Variants in VPS53 observed in about 807,000 individuals in gnomAD.
VPS53 encodes VPS53 subunit of GARP complex.
VPS53 carries 70 observed loss-of-function variants against 107.0 expected under a neutral mutation model. That is an observed-to-expected ratio of 0.65 (90% confidence interval 0.54 to 0.80). The LOEUF is 0.80. Among genes scored for constraint, VPS53 ranks in the 30% least tolerant of loss-of-function variants. VPS53 has a pLI of 0.00. For missense variants in VPS53, 917 were observed against 1,049.4 expected, an observed-to-expected ratio of 0.87 and a Z score of 1.74; for synonymous variants, 409 against 393.3, an observed-to-expected ratio of 1.04 and a Z score of -0.47.
intron 18 of VPS53, chr17:533,120 C>CTA (rs1555547820): frequency 1.3e-6 from 1 of 764,500 alleles, no homozygotes; most frequent in Non-Finnish European, 2.0e-6. Flanking sequence ...CCGGGAAAAC[C>CTA]GGATCCCATC....
chr17:615,776 CA>C (rs1969108649), intron 11 of VPS53, among the ~76,000 whole-genome samples: 1 of 152,132 alleles, frequency 6.6e-6, no homozygotes, highest in Non-Finnish European at 1.5e-5. Flanking sequence ...GGGAAGGGGT[CA>C]GGGGCCAGGG....
intron 14 of VPS53, among the ~76,000 whole-genome samples, chr17:561,552 G>C (rs569388399): frequency 5.9e-5 from 9 of 152,240 alleles, no homozygotes; most frequent in African/African-American, 2.2e-4. Context: ...ACACACATTA[G>C]GTATCTATCA....
rs574299818 is a variant in VPS53 at position 518,421 on chromosome 17, C to G, written c.*707G>C. The stretch of plus-strand genomic sequence containing the variant: ...CACATCACTGGGATGCTGCACATCA[C>G]CTTTGCTATTTCAGATGACGCTGGA... On this transcript the variant is annotated 3_prime_UTR_variant, in exon 22 of 22. Transcript: ENST00000437048. 8 of 152,442 alleles carry G rather than the reference C, an allele frequency of 5.2e-5. No individual in the cohort carries two copies. The highest frequency in any genetic ancestry group is 1.9e-4 in the African/African-American group (8 of 41,574). The allele number at this position is 152,442 out of a possible 1,614,324, so 9.4% of individuals were successfully genotyped here. A position where few individuals can be genotyped will look rare whatever the true frequency, so the allele number is the denominator to read the frequency against.
In VPS53 at chr17:519,427, GAA is replaced by G; in HGVS notation, c.2329-131_2329-130del. The G allele has an allele frequency of 1.0e-6, 1 of 992,192 alleles. No individual in the cohort carries two copies. Among genetic ancestry groups the G allele is most frequent in the Non-Finnish European group, 1.4e-6 (1 of 710,460 alleles). 61.5% of individuals were successfully genotyped at this position (992,192 alleles called of 1,614,324 possible). On this transcript the variant is annotated intron_variant, in intron 21 of 21. Transcript: ENST00000437048. This position sits in a 1 kb window ranked among gnomAD's most constrained non-coding sequence, Gnocchi z 5.0. The stretch of plus-strand genomic sequence containing the variant: ...AGCATAGTTACTCCAGGCTGAGGAT[GAA>G]CCGTTTCCTCAAGGGACTCACCATC...
In VPS53 at chr17:623,667, G is replaced by C. The variant is rs16954056; in HGVS notation, c.982C>G (p.Leu328Val). 3 of 1,609,938 alleles carry C rather than the reference G, an allele frequency of 1.9e-6. No individual in the cohort carries two copies. Among genetic ancestry groups the C allele is most frequent in the Non-Finnish European group, 2.5e-6 (3 of 1,177,032 alleles). ...GCTCTGGTACGCATAATCTTGGCAA[G>C]TTCTGCCCTTCAAAACAAAGAGATA... ...VEFCHVTRAELAKIMRTRAKE... is the reference protein window; with the variant it reads ...VEFCHVTRAEVAKIMRTRAKE... Residue 328 changes from leucine to valine, a missense_variant, in exon 11 of 22, where the codon CTT (leucine) becomes GTT (valine). Leu to Val is a conservative substitution (Grantham distance 32). Coordinates refer to ENST00000437048, the MANE Select transcript of VPS53 (RefSeq NM_001128159.3).
At chr17:591,187 T>C (rs1373149585) in intron 12 of VPS53, among the ~76,000 whole-genome samples, 1 of 152,280 alleles carries the variant, frequency 6.6e-6, no homozygotes, top group South Asian at 2.1e-4. Flanking sequence ...TAGTATTCTC[T>C]GATGGTAGTT....
chr17:686,014 A>C (rs1371796679), intron 4 of VPS53, among the ~76,000 whole-genome samples: 1 of 151,982 alleles, frequency 6.6e-6, no homozygotes, highest in East Asian at 1.9e-4. Context: ...CTCTAAAAAA[A>C]AAAACAGAGA....
chr17:652,598 A>G (rs1970997631), intron 7 of VPS53, among the ~76,000 whole-genome samples: 1 of 152,206 alleles, frequency 6.6e-6, no homozygotes, highest in African/African-American at 2.4e-5. Context: ...GACAGCAAGC[A>G]CCAAGGAGCC....
intron 13 of VPS53, among the ~76,000 whole-genome samples, chr17:567,155 C>T (rs1913604473): frequency 6.6e-6 from 1 of 152,166 alleles, no homozygotes; most frequent in African/African-American, 2.4e-5. Flanking sequence ...TACTTGCTTC[C>T]TATTTCAGAG....
intron 13 of VPS53, among the ~76,000 whole-genome samples, chr17:572,940 CTTGT>C (rs1914303541): frequency 6.6e-6 from 1 of 151,848 alleles, no homozygotes; most frequent in Non-Finnish European, 1.5e-5. Context: ...CCTTTGTTCA[CTTGT>C]TTATCTGCTG....
At chr17:640,893 C>T (rs1240569967) in intron 7 of VPS53, among the ~76,000 whole-genome samples, 1 of 151,964 alleles carries the variant, frequency 6.6e-6, no homozygotes, top group Non-Finnish European at 1.5e-5. Context: ...TCACTCTTGT[C>T]TCCCAGGCTG....
intron 17 of VPS53, among the ~76,000 whole-genome samples, chr17:540,765 G>C (rs1403704436): frequency 2.0e-5 from 3 of 152,278 alleles, no homozygotes; most frequent in African/African-American, 7.2e-5. Context: ...AGAATGATGA[G>C]TGCCTCCGGG....
chr17:675,309 G>A (rs932402880), intron 4 of VPS53: 4 of 152,194 alleles, frequency 2.6e-5, no homozygotes, highest in African/African-American at 4.8e-5. Flanking sequence ...TAATTCTACG[G>A]TTATCACGGA....
At position 691,913 on chromosome 17, in the gene VPS53, C is replaced by T. The variant is rs571289207; in HGVS notation, c.285+5505G>A. ...AGGTATGTATACATAGGAAAAAATA[C>T]GGCATATATAGGGTTTGCTACTCTC... is the stretch of plus-strand genomic sequence containing the variant. On this transcript the variant is annotated intron_variant, in intron 4 of 21. Coordinates refer to ENST00000437048, the MANE Select transcript of VPS53 (RefSeq NM_001128159.3). Among the ~76,000 whole-genome samples, 292 of 152,260 alleles carry T rather than the reference C, an allele frequency of 1.9e-3. 1 individual carries two copies. The highest frequency in any genetic ancestry group is 6.7e-3 in the African/African-American group (279 of 41,540).
At chr17:599,776 CAA>C (rs58052126) in intron 12 of VPS53, among the ~76,000 whole-genome samples, 1,671 of 79,976 alleles carry the variant, frequency 0.021, 27 homozygotes, top group African/African-American at 0.054. Context: ...AAAAAAAAAA[CAA>C]AAACAAAATG....
intron 15 of VPS53, among the ~76,000 whole-genome samples, chr17:558,229 A>G (rs527380511): frequency 3.9e-5 from 6 of 152,220 alleles, no homozygotes; most frequent in Non-Finnish European, 7.3e-5. Flanking sequence ...GCACTTTGGA[A>G]GGCCAAGGTG....
At chr17:667,362 C>A (rs1053302427) in intron 4 of VPS53, among the ~76,000 whole-genome samples, 4 of 151,014 alleles carry the variant, frequency 2.6e-5, no homozygotes, top group Admixed American at 6.6e-5. Flanking sequence ...CAAAAGATGG[C>A]GTAAAGGGAG....
chr17:532,656 C>T lies in VPS53; in HGVS notation c.2085+186G>A, dbSNP rs11650424. 0.24 allele frequency: 337,023 copies of T among 1,394,306 alleles called. 41,641 individuals are homozygous for T. The highest frequency in any genetic ancestry group is 0.32 in the Admixed American group (10,720 of 33,494). 86.4% of individuals were successfully genotyped at this position (1,394,306 alleles called of 1,614,324 possible). A position where few individuals can be genotyped will look rare whatever the true frequency, so the allele number is the denominator to read the frequency against. On this transcript the variant is annotated intron_variant, in intron 19 of 21. Transcript: ENST00000437048. ...CTGCACCCAGAACTTAGTAGGCGTTCAAACAAAATTTTTAAAAATAAATGG... is the reference window on the plus strand; with the variant it reads ...CTGCACCCAGAACTTAGTAGGCGTTTAAACAAAATTTTTAAAAATAAATGG...
chr17:714,784 C>T lies in VPS53; in HGVS notation c.-75G>A, dbSNP rs372543398. 1 of 1,535,704 alleles carries T rather than the reference C, an allele frequency of 6.5e-7. No homozygotes were observed. Among genetic ancestry groups the T allele is most frequent in the Non-Finnish European group, 9.0e-7 (1 of 1,111,164 alleles). On this transcript the variant is annotated 5_prime_UTR_variant, in exon 1 of 22. The change creates a new upstream start codon in the 5' untranslated region. Transcript: ENST00000437048. ...TCCAGCCGCCACCCAGGCCCCAGCA[C>T]AGCAACTCCCTCGCGGCAGCGACCT...
Sources: gnomAD v4.1 joint callset for allele counts (sites outside exome capture counted in the v4.1 genomes callset) on GRCh38, gnomAD v4.1.1 for gene constraint, Gnocchi (gnomAD v3.1) non-coding constraint, MANE v1.5 for transcripts, NCBI Gene and HGNC (gene_info 2026-07-23, HGNC 2026-07-21) for gene names.